LMNTD1: variants seen among roughly 807,000 people sequenced by gnomAD.
The protein encoded by LMNTD1 is lamin tail domain containing 1.
Under a neutral mutation model 50.9 loss-of-function variants are expected in LMNTD1, and 35 were observed. The observed-to-expected ratio is 0.69, with a 90% CI of 0.53 to 0.91. LMNTD1 has a LOEUF of 0.91. Among genes scored for constraint, LMNTD1 ranks in the 40% least tolerant of loss-of-function variants. The pLI is 0.00. For synonymous variants in LMNTD1, 153 were observed against 161.9 expected (o/e 0.94, Z 0.42); for missense variants, 470 against 475.5 (o/e 0.99, Z 0.11).
chr12:25,508,111 G>GCTCA (rs148918619), intron 8 of LMNTD1, among the ~76,000 whole-genome samples: 1 of 151,068 alleles, frequency 6.6e-6, no homozygotes. Flanking sequence ...AGTTTTTATT[G>GCTCA]TTAAGTTTTT....
intron 4 of LMNTD1, among the ~76,000 whole-genome samples, chr12:25,533,342 C>A (rs1483523002): frequency 1.3e-5 from 2 of 152,162 alleles, no homozygotes; most frequent in Admixed American, 6.5e-5. Flanking sequence ...ATGTTGCAAT[C>A]ACCATCAGTA....
chr12:25,607,682 C>T (rs913231373), intron 1 of LMNTD1, among the ~76,000 whole-genome samples: 10 of 152,214 alleles, frequency 6.6e-5, no homozygotes, highest in Non-Finnish European at 1.3e-4. Context: ...AATTTGATTG[C>T]ACTGTGGTCT....
intron 8 of LMNTD1, among the ~76,000 whole-genome samples, chr12:25,505,318 C>A (rs1027508649): frequency 6.6e-6 from 1 of 152,078 alleles, no homozygotes; most frequent in African/African-American, 2.4e-5. Flanking sequence ...AGGTTACAAT[C>A]TTTCATAACT....
chr12:25,563,229 T>C (rs1447451044), intron 1 of LMNTD1, among the ~76,000 whole-genome samples: 1 of 152,266 alleles, frequency 6.6e-6, no homozygotes, highest in Non-Finnish European at 1.5e-5. Context: ...CTCTGATTTT[T>C]AGAATTTTCA....
intron 9 of LMNTD1, among the ~76,000 whole-genome samples, chr12:25,487,207 T>C (rs1433518395): frequency 7.8e-6 from 1 of 128,344 alleles, no homozygotes; most frequent in East Asian, 2.5e-4. Context: ...TTCTGTCTCG[T>C]TGATCTGTCT....
intron 1 of LMNTD1, among the ~76,000 whole-genome samples, chr12:25,575,614 G>T (rs996924493): frequency 2.0e-4 from 30 of 152,218 alleles, no homozygotes; most frequent in Middle Eastern, 3.4e-3. Context: ...ACAAACCTCT[G>T]CTTCTTTGAC....
rs796996107 is a variant in LMNTD1 at position 25,637,764 on chromosome 12, AG to A, written c.58+10729del. Among the ~76,000 whole-genome samples the A allele has an allele frequency of 9.9e-5, 15 of 152,260 alleles. 1 individual carries two copies. The highest frequency in any genetic ancestry group is 6.8e-3 in the Middle Eastern group (2 of 294). ...GACAATGCAATTTAAAGATGGGTAA[AG>A]GATTTGAATATACCCTTTTTTTTCC... On this transcript the variant is annotated intron_variant, in intron 1 of 7. Transcript: ENST00000445693.
chr12:25,587,589 A>G (rs1392837842), intron 1 of LMNTD1, among the ~76,000 whole-genome samples: 2 of 152,212 alleles, frequency 1.3e-5, no homozygotes, highest in Non-Finnish European at 2.9e-5. Flanking sequence ...ATGGTGCTAA[A>G]CCATTCATGA....
At chr12:25,493,410 G>A (rs914040973) in intron 9 of LMNTD1, among the ~76,000 whole-genome samples, 1 of 152,164 alleles carries the variant, frequency 6.6e-6, no homozygotes. Flanking sequence ...CTACAAAGGT[G>A]GTGCGAGGAA....
intron 8 of LMNTD1, among the ~76,000 whole-genome samples, chr12:25,512,921 A>G (rs1384080478): frequency 6.6e-6 from 1 of 152,026 alleles, no homozygotes; most frequent in Non-Finnish European, 1.5e-5. Flanking sequence ...AGAAACATTT[A>G]TTGCCCATGA....
rs1310239480 is a variant in LMNTD1 at position 25,489,487 on chromosome 12, C to T, written c.*23-13027G>A. ...GGCAATGCCTCGCCCTGCTTTGGCTCGCGCACGGTGCGCGCACCCGCTGAC... is the reference window on the plus strand; with the variant it reads ...GGCAATGCCTCGCCCTGCTTTGGCTTGCGCACGGTGCGCGCACCCGCTGAC... On this transcript the variant is annotated intron_variant, in intron 9 of 9. Transcript: ENST00000458174. Among the ~76,000 whole-genome samples, 4 of 143,212 alleles carry T rather than the reference C, an allele frequency of 2.8e-5. No individual in the cohort carries two copies. The East Asian group carries it at 7.8e-4, about 28-fold the overall frequency. 94.0% of individuals were successfully genotyped at this position (143,212 alleles called of 152,430 possible). A position where few individuals can be genotyped will look rare whatever the true frequency, so the allele number is the denominator to read the frequency against.
chr12:25,489,475 C>A (rs112143314), intron 9 of LMNTD1, among the ~76,000 whole-genome samples: 22,860 of 125,842 alleles, frequency 0.18, 2,689 homozygotes, highest in Middle Eastern at 0.27. Context: ...AATGCCTCGC[C>A]CTGCTTTGGC....
At chr12:25,549,584 AAAG>A in intron 2 of LMNTD1, 38 bp from the exon 3 acceptor site, 1 of 1,187,944 alleles carries the variant, frequency 8.4e-7, no homozygotes, top group Non-Finnish European at 1.2e-6. Context: ...AATAAATAAG[AAAG>A]TAAAAGTGGC....
At chr12:25,497,382 C>T (rs1320682416) in intron 9 of LMNTD1, 1 of 152,236 alleles carries the variant, frequency 6.6e-6, no homozygotes, top group Non-Finnish European at 1.5e-5. Context: ...TTTAACCCCC[C>T]TTTCACCCAA....
At chr12:25,618,269 G>A (rs1946389533) in intron 1 of LMNTD1, among the ~76,000 whole-genome samples, 1 of 152,208 alleles carries the variant, frequency 6.6e-6, no homozygotes, top group South Asian at 2.1e-4. Context: ...CAAGTGCCAG[G>A]CTATACCCTT....
chr12:25,499,651 G>A (rs1939268296), intron 9 of LMNTD1, among the ~76,000 whole-genome samples: 1 of 151,804 alleles, frequency 6.6e-6, no homozygotes, highest in Admixed American at 6.6e-5. Context: ...TGGTACTTGA[G>A]TAGTGCCTAA....
Position 25,619,582 on chromosome 12 carries a change from G to T in LMNTD1, c.58+28912C>A, listed in dbSNP as rs574064772. Among the ~76,000 whole-genome samples, 7 of 152,288 alleles carry T rather than the reference G, an allele frequency of 4.6e-5. 1 individual carries two copies. In the South Asian group the frequency reaches 1.2e-3, roughly 27 times the overall value. On this transcript the variant is annotated intron_variant, in intron 1 of 7. Coordinates refer to the LMNTD1 transcript ENST00000445693. Reference sequence around the variant, plus strand: ...TGAGAGAGTTTTCCCATCTTCAGATGGTTCCTCAGGGCAGCCTGGCTGTTG... The same window carrying T: ...TGAGAGAGTTTTCCCATCTTCAGATTGTTCCTCAGGGCAGCCTGGCTGTTG...
chr12:25,599,377 C>T (rs1293108825), intron 1 of LMNTD1, among the ~76,000 whole-genome samples: 6 of 151,732 alleles, frequency 4.0e-5, no homozygotes, highest in African/African-American at 1.5e-4. Context: ...ATCAAAAAGC[C>T]CTTCCTCTAA....
rs538353707 is a variant in LMNTD1 at position 25,544,972 on chromosome 12, T to C, written c.491+1402A>G. Among the ~76,000 whole-genome samples the C allele has an allele frequency of 4.7e-4, 72 of 151,972 alleles. 2 individuals are homozygous for C. The South Asian group carries it at 0.015, about 31-fold the overall frequency. ...TAGCTATTACTGTTTTTGATAGATTTGTCTTTTGGGATTCACGCTAGAGTA... is the reference window on the plus strand; with the variant it reads ...TAGCTATTACTGTTTTTGATAGATTCGTCTTTTGGGATTCACGCTAGAGTA... On this transcript the variant is annotated intron_variant, in intron 4 of 9. Transcript: ENST00000458174.
Sources: allele counts gnomAD v4.1 joint callset (sites outside exome capture counted in the v4.1 genomes callset), GRCh38; gene constraint gnomAD v4.1.1; transcripts MANE v1.5; gene names NCBI Gene and HGNC (gene_info 2026-07-23, HGNC 2026-07-21).